The following PTBP3 variants were observed in gnomAD, a reference collection of about 807,000 sequenced individuals.
PTBP3 encodes polypyrimidine tract-binding protein 3.
In PTBP3, 20 loss-of-function variants were observed where a neutral mutation model predicts 58.7. The ratio of observed to expected loss-of-function variants is 0.34; its 90% CI spans 0.24 to 0.50. The LOEUF is 0.50. PTBP3 is among the 20% of genes least tolerant of loss of function. The probability of loss-of-function intolerance (pLI) is 0.98; values close to 1 mark genes in which losing one functional copy is unlikely to be tolerated. For missense variants in PTBP3, 509 were observed against 637.2 expected, an observed-to-expected ratio of 0.80 and a Z score of 2.17; for synonymous variants, 185 against 219.8, an observed-to-expected ratio of 0.84 and a Z score of 1.40.
At chr9:112,348,125 T>C in the PTBP3 span, among the ~76,000 whole-genome samples, 1 of 152,178 alleles carries the variant, frequency 6.6e-6, no homozygotes, top group African/African-American at 2.4e-5. Context: ...TATTATTGCA[T>C]ATTTAGACTC....
the PTBP3 span, among the ~76,000 whole-genome samples, chr9:112,359,739 G>T: frequency 6.6e-6 from 1 of 152,038 alleles, no homozygotes; most frequent in African/African-American, 2.4e-5. Context: ...GGAGGCGGAG[G>T]TTGCCGGGAG....
intron 9 of PTBP3, among the ~76,000 whole-genome samples, chr9:112,231,879 T>A (rs766830968): frequency 1.4e-5 from 2 of 146,114 alleles, no homozygotes; most frequent in South Asian, 4.3e-4. Context: ...CACTGAAGCC[T>A]GAGTAACAGA....
chr9:112,280,757 CTGTGTGTGTATGTGTGTG>C (rs1245637458), intron 2 of PTBP3, among the ~76,000 whole-genome samples: 1 of 69,686 alleles, frequency 1.4e-5, no homozygotes, highest in African/African-American at 7.5e-5. Flanking sequence ...ACGTGTGTGT[CTGTGTGTGTATGTGTGTG>C]TGTGTGTGTG....
At chr9:112,245,414 T>C (rs143481258) in intron 7 of PTBP3, among the ~76,000 whole-genome samples, 3 of 152,162 alleles carry the variant, frequency 2.0e-5, no homozygotes, top group South Asian at 2.1e-4. Context: ...TTGAGGCTAA[T>C]AGGAATCACA....
chr9:112,298,168 G>A (rs1180451493), intron 1 of PTBP3, among the ~76,000 whole-genome samples: 1 of 152,138 alleles, frequency 6.6e-6, no homozygotes, highest in African/African-American at 2.4e-5. Flanking sequence ...ACCAAACGCA[G>A]GTTTCCAAAA....
intron 8 of PTBP3, among the ~76,000 whole-genome samples, chr9:112,233,850 G>C (rs1298091835): frequency 6.6e-6 from 1 of 152,024 alleles, no homozygotes; most frequent in Non-Finnish European, 1.5e-5. Flanking sequence ...AGAATCATTT[G>C]AACCCAGGAA....
chr9:112,275,856 T>G lies in PTBP3; in HGVS notation c.192A>C (p.Lys64Asn), dbSNP rs758744334. ...FGKVTNLLML[K>N]GKSQAFLEMA... ...AAATATTACATACCTGGCTTTTTCC[T>G]TTCAACATCAAAAGATTAGTTACTT... Residue 64 changes from lysine to asparagine, a missense_variant, in exon 3 of 14, where the codon AAA (lysine) becomes AAC (asparagine). Transcript: ENST00000374257. The G allele has an allele frequency of 1.2e-5, 20 of 1,612,212 alleles. No homozygotes were observed. Among genetic ancestry groups the G allele is most frequent in the Non-Finnish European group, 1.6e-5 (19 of 1,178,616 alleles).
At chr9:112,335,686 G>A (rs1405834379), upstream of PTBP3, among the ~76,000 whole-genome samples, 5 of 143,134 alleles carry the variant, frequency 3.5e-5, no homozygotes, top group Middle Eastern at 3.4e-3. Flanking sequence ...ACTTTGGGAG[G>A]CCGAGGCGGG....
intron 7 of PTBP3, among the ~76,000 whole-genome samples, 190 bp from the exon 8 acceptor site, chr9:112,235,087 A>G (rs1373425673): frequency 1.3e-5 from 2 of 152,196 alleles, no homozygotes; most frequent in African/African-American, 4.8e-5. Context: ...ACCCTTTTCA[A>G]TTGGGTTCAA....
chr9:112,374,351 A>G, the PTBP3 span, among the ~76,000 whole-genome samples: 14 of 152,188 alleles, frequency 9.2e-5, no homozygotes, highest in Admixed American at 2.0e-4. Flanking sequence ...ATGTAATGTC[A>G]CAGGAACAGG....
intron 2 of PTBP3, among the ~76,000 whole-genome samples, chr9:112,287,121 T>G (rs1370797001): frequency 1.3e-5 from 2 of 152,130 alleles, no homozygotes; most frequent in Non-Finnish European, 2.9e-5. Flanking sequence ...CTGGGTGTGG[T>G]TTCCGTTGTG....
chr9:112,303,859 G>A (rs1024161397), intron 1 of PTBP3, among the ~76,000 whole-genome samples: 8 of 100,120 alleles, frequency 8.0e-5, no homozygotes, highest in African/African-American at 2.7e-4. Context: ...GTGAGACTCC[G>A]TCTCAATCAA....
At chr9:112,244,504 C>T (rs1326448805) in intron 7 of PTBP3, among the ~76,000 whole-genome samples, 1 of 151,156 alleles carries the variant, frequency 6.6e-6, no homozygotes, top group Non-Finnish European at 1.5e-5. Context: ...AGGGACCCTA[C>T]CTCTACAAAA....
chr9:112,231,773 T>C (rs999224597), intron 9 of PTBP3, among the ~76,000 whole-genome samples: 7 of 150,064 alleles, frequency 4.7e-5, no homozygotes, highest in African/African-American at 1.5e-4. Flanking sequence ...CCAGGCGTGG[T>C]AGTGGGCACC....
chr9:112,284,584 T>C (rs1828025053), intron 2 of PTBP3, among the ~76,000 whole-genome samples: 1 of 152,138 alleles, frequency 6.6e-6, no homozygotes, highest in Non-Finnish European at 1.5e-5. Context: ...TAGTCCCAAC[T>C]ACTCAGGAGG....
chr9:112,257,543 G>A (rs1201120157), intron 5 of PTBP3, among the ~76,000 whole-genome samples: 1 of 152,096 alleles, frequency 6.6e-6, no homozygotes, highest in Non-Finnish European at 1.5e-5. Context: ...GGACTAAGAA[G>A]ATACTAAAGA....
intron 1 of PTBP3, among the ~76,000 whole-genome samples, chr9:112,309,557 G>A (rs779612969): frequency 7.4e-4 from 113 of 152,236 alleles, no homozygotes; most frequent in Non-Finnish European, 1.4e-3. Flanking sequence ...AGGCCAAGGC[G>A]GGCGGACTGC....
chr9:112,306,141 CA>C (rs1237235532), intron 1 of PTBP3, among the ~76,000 whole-genome samples: 1 of 151,984 alleles, frequency 6.6e-6, no homozygotes, highest in Non-Finnish European at 1.5e-5. Flanking sequence ...ATAAATATAA[CA>C]AAATTATTAA....
chr9:112,282,551 C>G (rs2132239059), intron 2 of PTBP3, among the ~76,000 whole-genome samples: 1 of 152,244 alleles, frequency 6.6e-6, no homozygotes, highest in South Asian at 2.1e-4. Context: ...CCACAAATTT[C>G]ATTAAGTTAC....
Sources: gnomAD v4.1 joint callset for allele counts (sites outside exome capture counted in the v4.1 genomes callset) on GRCh38, gnomAD v4.1.1 for gene constraint, MANE v1.5 for transcripts, NCBI Gene and HGNC (gene_info 2026-07-23, HGNC 2026-07-21) for gene names.